The following ADAM17 variants were observed in gnomAD, a reference collection of about 807,000 sequenced individuals.
The protein encoded by ADAM17 is disintegrin and metalloproteinase domain-containing protein 17.
Under a neutral mutation model 96.7 loss-of-function variants are expected in ADAM17, and 39 were observed. The observed-to-expected ratio is 0.40, with a 90% CI of 0.31 to 0.53. The LOEUF is 0.53. ADAM17 is among the 20% of genes least tolerant of loss of function. ADAM17 has a pLI of 0.44. For missense variants in ADAM17, 777 were observed against 1,013.2 expected (o/e 0.77, Z 3.17); for synonymous variants, 344 against 359.2 (o/e 0.96, Z 0.48).
intron 10 of ADAM17, among the ~76,000 whole-genome samples, chr2:9,514,525 ATAT>A (rs1663938264): frequency 5.2e-4 from 3 of 5,722 alleles, no homozygotes; most frequent in African/African-American, 2.3e-3. Context: ...ATAAATATAT[ATAT>A]ATATATATAT....
chr2:9,529,420 C>G (rs554467547), intron 4 of ADAM17, among the ~76,000 whole-genome samples: 1 of 152,128 alleles, frequency 6.6e-6, no homozygotes, highest in East Asian at 1.9e-4. Flanking sequence ...CACTGCACTC[C>G]AGCCTGGGTG....
intron 7 of ADAM17, chr2:9,521,924 ACT>A (rs1331708448): frequency 1.3e-5 from 2 of 150,790 alleles, no homozygotes; most frequent in African/African-American, 4.9e-5. Flanking sequence ...ACTGGGGTGG[ACT>A]CTGCAGTTTT....
intron 12 of ADAM17, among the ~76,000 whole-genome samples, chr2:9,504,572 C>A (rs1296028208): frequency 6.6e-6 from 1 of 152,072 alleles, no homozygotes; most frequent in Non-Finnish European, 1.5e-5. Flanking sequence ...GGAGACCATC[C>A]TGGCCACCGT....
chr2:9,490,631 A>G, intron 18 of ADAM17, 113 bp from the exon 19 acceptor site: 6 of 1,163,312 alleles, frequency 5.2e-6, no homozygotes, highest in Non-Finnish European at 7.1e-6. Flanking sequence ...CTGTGATGCT[A>G]AGAAAAAAGT....
At position 9,505,317 on chromosome 2, in the gene ADAM17, T is replaced by G; in HGVS notation, c.1393A>C (p.Lys465Gln). 1 of 1,614,190 alleles carries G rather than the reference T, an allele frequency of 6.2e-7. No homozygotes were observed. The highest frequency in any genetic ancestry group is 8.5e-7 in the Non-Finnish European group (1 of 1,180,030). The change falls in exon 12 of 19, where the codon AAG becomes CAG. Residue 465 changes from lysine to glutamine, a missense_variant. Lys to Gln is a moderately conservative substitution (Grantham distance 53). Transcript: ENST00000310823. ...CGTTCTTGAAAACACTCCTGGGCCT[T>G]ACTTTCAATGGTCTTATAGATTGAT... ...KQSIYKTIESKAQECFQERSN... is the reference protein window; with the variant it reads ...KQSIYKTIESQAQECFQERSN...
chr2:9,499,043 T>C (rs1332247817), intron 13 of ADAM17, among the ~76,000 whole-genome samples: 1 of 152,078 alleles, frequency 6.6e-6, no homozygotes, highest in East Asian at 1.9e-4. Flanking sequence ...AATTTCCATT[T>C]CTAATAAGCT....
rs13016187 is a variant in ADAM17, at chr2:9,520,938, A to T, written c.957+265T>A. Among the ~76,000 whole-genome samples the T allele has an allele frequency of 0.54, 66,194 of 123,614 alleles. 19,552 individuals carry two copies. Among genetic ancestry groups the T allele is most frequent in the Middle Eastern group, 0.74 (195 of 262 alleles). The allele number at this position is 123,614 out of a possible 152,430, so 81.1% of individuals were successfully genotyped here. The stretch of plus-strand genomic sequence containing the variant: ...AAGATCACGCCATTGCCCTCCAGCC[A>T]GGGCAACAAGAGTGAAACTCTGTCT... On this transcript the variant is annotated intron_variant, in intron 8 of 18. Coordinates refer to ENST00000310823, the MANE Select transcript of ADAM17 (RefSeq NM_003183.6).
chr2:9,532,928 T>G (rs1357889844), intron 4 of ADAM17, among the ~76,000 whole-genome samples: 1 of 152,150 alleles, frequency 6.6e-6, no homozygotes, highest in Non-Finnish European at 1.5e-5. Flanking sequence ...TGGTGGCTCA[T>G]GCCTATAATC....
At chr2:9,536,534 T>C (rs957221523) in intron 3 of ADAM17, among the ~76,000 whole-genome samples, 164 bp downstream of exon 3, 4 of 152,202 alleles carry the variant, frequency 2.6e-5, no homozygotes, top group Non-Finnish European at 4.4e-5. Context: ...TCTATTAGAA[T>C]GTTCCTGCCT....
chr2:9,530,585 G>A (rs1183582804), intron 4 of ADAM17, among the ~76,000 whole-genome samples: 2 of 152,088 alleles, frequency 1.3e-5, no homozygotes, highest in African/African-American at 4.8e-5. Context: ...TTGACTAAAA[G>A]GCAGAAAACT....
chr2:9,491,359 A>AAAT (rs1662131723), intron 17 of ADAM17, among the ~76,000 whole-genome samples: 1 of 152,212 alleles, frequency 6.6e-6, no homozygotes, highest in Non-Finnish European at 1.5e-5. Flanking sequence ...CACTCAAAGG[A>AAAT]AATACATTTT....
At chr2:9,512,414 A>G (rs1469183618) in intron 10 of ADAM17, 6 of 152,246 alleles carry the variant, frequency 3.9e-5, no homozygotes, top group Admixed American at 2.6e-4. Flanking sequence ...CTGTACACAC[A>G]TGTATGTTTC....
chr2:9,507,312 G>C (rs975353865), intron 11 of ADAM17, among the ~76,000 whole-genome samples: 2 of 152,062 alleles, frequency 1.3e-5, no homozygotes, highest in Non-Finnish European at 2.9e-5. Context: ...TGACCAACCT[G>C]GCCAACATGG....
At chr2:9,504,092 A>G (rs986253777) in intron 12 of ADAM17, among the ~76,000 whole-genome samples, 3 of 152,104 alleles carry the variant, frequency 2.0e-5, no homozygotes, top group Admixed American at 2.0e-4. Context: ...TTGAGGCTGC[A>G]GTGAGCCATG....
intron 10 of ADAM17, among the ~76,000 whole-genome samples, chr2:9,515,189 A>G (rs1356706854): frequency 1.3e-5 from 2 of 152,136 alleles, no homozygotes; most frequent in African/African-American, 4.8e-5. Context: ...GCATCTAGCA[A>G]TCACTGATCA....
chr2:9,490,987 G>GC (rs1558490581), intron 18 of ADAM17, 114 bp downstream of exon 18: 1 of 920,728 alleles, frequency 1.1e-6, no homozygotes, highest in East Asian at 2.5e-5. Context: ...CCTTCCTGCT[G>GC]CAACATGACC....
chr2:9,497,594 G>A (rs1440610563), intron 13 of ADAM17, among the ~76,000 whole-genome samples: 3 of 152,134 alleles, frequency 2.0e-5, no homozygotes, highest in East Asian at 1.9e-4. Flanking sequence ...AGAACTCCAC[G>A]GCCTTCCCTA....
At chr2:9,514,592 G>A (rs1354518136) in intron 10 of ADAM17, among the ~76,000 whole-genome samples, 1 of 140,016 alleles carries the variant, frequency 7.1e-6, no homozygotes, top group Non-Finnish European at 1.5e-5. Flanking sequence ...CAGGGTCTCA[G>A]GCCAGGCACG....
chr2:9,520,983 AAAAGG>A lies in ADAM17; in HGVS notation c.957+215_957+219del, dbSNP rs1443190560. ...CTGTCTCAAAAAAAAAAAAAAAAAA[AAAAGG>A]AAGCATTGCTTTATAGCGTTTTTCT... On this transcript the variant is annotated intron_variant, in intron 8 of 18. Coordinates refer to ENST00000310823, the MANE Select transcript of ADAM17 (RefSeq NM_003183.6). Among the ~76,000 whole-genome samples, 40 of 147,798 alleles carry A rather than the reference AAAAGG, an allele frequency of 2.7e-4. 3 individuals carry two copies. The highest frequency in any genetic ancestry group is 5.1e-4 in the Non-Finnish European group (34 of 66,588).
Sources: allele counts gnomAD v4.1 joint callset (sites outside exome capture counted in the v4.1 genomes callset), GRCh38; gene constraint gnomAD v4.1.1; transcripts MANE v1.5; gene names NCBI Gene and HGNC (gene_info 2026-07-23, HGNC 2026-07-21).